Variants in MTMR8 observed in about 807,000 individuals in gnomAD.
The protein encoded by MTMR8 is myotubularin related protein 8.
MTMR8 carries 65 observed loss-of-function variants against 39.3 expected under a neutral mutation model. The ratio of observed to expected loss-of-function variants is 1.65; its 90% CI spans 1.35 to 2.03. The LOEUF is 2.03. Among genes scored for constraint, MTMR8 ranks in the 30% most tolerant of loss-of-function variants. The pLI, the probability that MTMR8 is intolerant of heterozygous loss-of-function variation, is 0.00. For synonymous variants in MTMR8, 245 were observed against 185.2 expected (o/e 1.32, Z -2.62); for missense variants, 777 against 538.9 (o/e 1.44, Z -4.37).
chrX:64,378,854 G>A (rs916568225), intron 1 of MTMR8, among the ~76,000 whole-genome samples: 1 of 111,579 alleles, frequency 9.0e-6, no homozygotes, highest in Admixed American at 9.5e-5. Context: ...CCCAAAGCTG[G>A]CTCTTTGAAA....
intron 12 of MTMR8, among the ~76,000 whole-genome samples, chrX:64,288,389 G>T (rs139974504): frequency 9.0e-6 from 1 of 111,397 alleles, no homozygotes; most frequent in Non-Finnish European, 1.9e-5. Flanking sequence ...AGAGGATGTG[G>T]AGAAATAGGA....
At chrX:64,361,242 A>G (rs1923772086) in intron 1 of MTMR8, among the ~76,000 whole-genome samples, 1 of 111,610 alleles carries the variant, frequency 9.0e-6, no homozygotes, top group African/African-American at 3.2e-5. Flanking sequence ...AGATGATGTT[A>G]TAGGTTTATT....
chrX:64,303,685 C>G (rs371663977), intron 12 of MTMR8, among the ~76,000 whole-genome samples: 1 of 112,442 alleles, frequency 8.9e-6, no homozygotes, highest in Non-Finnish European at 1.9e-5. Flanking sequence ...TTTACAAAAA[C>G]TACTTTATCA....
chrX:64,374,071 A>C (rs1924197275), intron 1 of MTMR8, among the ~76,000 whole-genome samples: 1 of 112,041 alleles, frequency 8.9e-6, no homozygotes, highest in African/African-American at 3.2e-5. Context: ...TTCTGTGCTA[A>C]ACCATCCCAT....
At position 64,348,760 on chromosome X, in the gene MTMR8, C is replaced by A; in HGVS notation, c.632G>T (p.Gly211Val). 1.7e-6 allele frequency: 2 copies of A among 1,210,667 alleles called. No homozygotes were observed. Among genetic ancestry groups the A allele is most frequent in the African/African-American group, 1.7e-5 (1 of 57,767 alleles). The stretch of plus-strand genomic sequence containing the variant: ...ATCATCTACACAGCGAGTGTAAAAT[C>A]CAGAGAGAGGCTGGCTACAGCGGCA... Reference protein sequence around the residue: ...AICRCSQPLSGFYTRCVDDEL... With the variant: ...AICRCSQPLSVFYTRCVDDEL... Residue 211 changes from glycine to valine, a missense_variant, in exon 6 of 14, where the codon GGA becomes GTA. By Grantham distance (109) the Gly-to-Val change is moderately radical (BLOSUM62 -3). Coordinates refer to ENST00000374852, the MANE Select transcript of MTMR8 (RefSeq NM_017677.4).
chrX:64,273,019 C>T (rs1003943411), intron 12 of MTMR8, among the ~76,000 whole-genome samples: 8 of 111,105 alleles, frequency 7.2e-5, no homozygotes, highest in African/African-American at 2.3e-4. Flanking sequence ...AACAGACCTG[C>T]CTTACAGGAA....
intron 4 of MTMR8, among the ~76,000 whole-genome samples, chrX:64,350,477 C>T (rs982221395): frequency 1.8e-5 from 2 of 111,512 alleles, no homozygotes; most frequent in Non-Finnish European, 3.8e-5. Context: ...TCTAAAAGTA[C>T]ATTTTGTTCT....
chrX:64,348,779 A>G lies in MTMR8; in HGVS notation c.613T>C (p.Cys205Arg). ...TAAAATCCAGAGAGAGGCTGGCTAC[A>G]GCGGCAAATGGCAGCCTGTAAGGAA... Reference protein sequence around the residue: ...YKENNAAICRCSQPLSGFYTR... With the variant: ...YKENNAAICRRSQPLSGFYTR... The change falls in exon 6 of 14, where the codon TGT becomes CGT. Residue 205 changes from cysteine (C) to arginine (R), a missense_variant. Transcript: ENST00000374852. 1 of 1,210,858 alleles carries G rather than the reference A, an allele frequency of 8.3e-7. No individual in the cohort carries two copies. Among genetic ancestry groups the G allele is most frequent in the Non-Finnish European group, 1.1e-6 (1 of 894,871 alleles).
intron 12 of MTMR8, among the ~76,000 whole-genome samples, chrX:64,298,625 A>T (rs1159092360): frequency 1.1e-5 from 1 of 94,920 alleles, no homozygotes; most frequent in Non-Finnish European, 1.9e-5. Flanking sequence ...GTTGAATAGG[A>T]GTGGTGAGAG....
intron 12 of MTMR8, among the ~76,000 whole-genome samples, chrX:64,301,610 T>G (rs1271573664): frequency 1.8e-5 from 2 of 112,262 alleles, no homozygotes; most frequent in Non-Finnish European, 3.8e-5. Context: ...CTTTGTTCCA[T>G]TGCTGGTGAG....
At position 64,289,636 on chromosome X, in the gene MTMR8, C is replaced by CAAAAAAAAAAAAAAAAAAA. The variant is rs749879321; in HGVS notation, c.1482-18582_1482-18564dup. ...TGGGTGACAGAGTGAGACTCCATCG[C>CAAAAAAAAAAAAAAAAAAA]AAAAAAAAAAAAAAAAAAAAAAAAA... On this transcript the variant is annotated intron_variant, in intron 12 of 13. Transcript: ENST00000374852. Among the ~76,000 whole-genome samples the CAAAAAAAAAAAAAAAAAAA allele has an allele frequency of 2.7e-3, 72 of 26,388 alleles. 2 individuals are homozygous for CAAAAAAAAAAAAAAAAAAA. The highest frequency in any genetic ancestry group is 7.3e-3 in the African/African-American group (71 of 9,723). 22.9% of individuals were successfully genotyped at this position (26,388 alleles called of 115,157 possible). A position where few individuals can be genotyped will look rare whatever the true frequency, so the allele number is the denominator to read the frequency against.
At chrX:64,303,392 C>G (rs891411812) in intron 12 of MTMR8, among the ~76,000 whole-genome samples, 1 of 112,409 alleles carries the variant, frequency 8.9e-6, no homozygotes, top group Admixed American at 9.4e-5. Context: ...ACAAGACACA[C>G]TGCAAAAATA....
intron 12 of MTMR8, among the ~76,000 whole-genome samples, chrX:64,290,545 C>A (rs1378597167): frequency 9.0e-6 from 1 of 110,638 alleles, no homozygotes; most frequent in African/African-American, 3.3e-5. Flanking sequence ...AACTGATAGT[C>A]AAGATACCAA....
chrX:64,346,006 C>T (rs1312220767), intron 6 of MTMR8, among the ~76,000 whole-genome samples: 3 of 112,035 alleles, frequency 2.7e-5, no homozygotes, highest in Non-Finnish European at 5.6e-5. Flanking sequence ...GAAATGGAGA[C>T]ATCACCAACT....
At chrX:64,368,178 T>C (rs1365313627) in intron 1 of MTMR8, among the ~76,000 whole-genome samples, 1 of 111,487 alleles carries the variant, frequency 9.0e-6, no homozygotes, top group Non-Finnish European at 1.9e-5. Context: ...ATGGCCATAC[T>C]GCCCAAGGTA....
chrX:64,363,030 C>T (rs1204518411), intron 1 of MTMR8, among the ~76,000 whole-genome samples: 1 of 111,308 alleles, frequency 9.0e-6, no homozygotes, highest in African/African-American at 3.3e-5. Flanking sequence ...TAAGATATTG[C>T]TTTAAGACTA....
chrX:64,344,570 C>T (rs747312533), intron 7 of MTMR8, among the ~76,000 whole-genome samples: 35 of 111,118 alleles, frequency 3.1e-4, no homozygotes, highest in African/African-American at 1.1e-3. Context: ...ATTTTGTAGT[C>T]GATAACAGAT....
At chrX:64,320,036 G>T (rs756045651) in intron 12 of MTMR8, among the ~76,000 whole-genome samples, 21 of 111,488 alleles carry the variant, frequency 1.9e-4, no homozygotes, top group Admixed American at 1.6e-3. Flanking sequence ...CTATCCATGA[G>T]CATGGAATGT....
At chrX:64,333,168 C>A (rs775108548) in intron 10 of MTMR8, among the ~76,000 whole-genome samples, 21 of 111,909 alleles carry the variant, frequency 1.9e-4, no homozygotes, top group Non-Finnish European at 3.2e-4. Flanking sequence ...CATACAAATT[C>A]ACACCATTCA....
Sources: gnomAD v4.1 joint callset for allele counts (sites outside exome capture counted in the v4.1 genomes callset) on GRCh38, gnomAD v4.1.1 for gene constraint, MANE v1.5 for transcripts, NCBI Gene and HGNC (gene_info 2026-07-23, HGNC 2026-07-21) for gene names.